Variants in CSNK2A2IP observed in about 807,000 individuals in gnomAD.
The protein encoded by CSNK2A2IP is casein kinase 2 subunit alpha' interacting protein, also known as casein kinase II subunit alpha'-interacting protein.
chr3:88,448,032 T>C, the CSNK2A2IP span, among the ~76,000 whole-genome samples: 1 of 152,210 alleles, frequency 6.6e-6, no homozygotes, highest in Non-Finnish European at 1.5e-5. Flanking sequence ...CCTAAAATAT[T>C]GTCTAGGGTC....
chr3:88,362,248 G>A, the CSNK2A2IP span, among the ~76,000 whole-genome samples: 2 of 152,072 alleles, frequency 1.3e-5, no homozygotes, highest in South Asian at 2.1e-4. Flanking sequence ...TCTTAAGAGA[G>A]CTTTCAGAGA....
At chr3:88,461,997 G>T in the CSNK2A2IP span, among the ~76,000 whole-genome samples, 1 of 151,674 alleles carries the variant, frequency 6.6e-6, no homozygotes, top group African/African-American at 2.4e-5. Context: ...TTTCATATAT[G>T]TGTTAGCCAT....
the CSNK2A2IP span, among the ~76,000 whole-genome samples, chr3:88,442,301 G>T: frequency 6.6e-6 from 1 of 152,064 alleles, no homozygotes; most frequent in Non-Finnish European, 1.5e-5. Flanking sequence ...CAATTTCCTT[G>T]TGAGCTGGGA....
At chr3:88,379,873 T>C in the CSNK2A2IP span, among the ~76,000 whole-genome samples, 2 of 152,152 alleles carry the variant, frequency 1.3e-5, no homozygotes, top group African/African-American at 4.8e-5. Context: ...TTTTATTTTT[T>C]AACATGCTAA....
the CSNK2A2IP span, among the ~76,000 whole-genome samples, chr3:88,356,881 C>A: frequency 6.6e-6 from 1 of 151,964 alleles, no homozygotes; most frequent in African/African-American, 2.4e-5. Context: ...TATCTGTTGG[C>A]CTTTTTTATG....
the CSNK2A2IP span, among the ~76,000 whole-genome samples, chr3:88,458,029 T>G: frequency 6.6e-6 from 1 of 151,976 alleles, no homozygotes; most frequent in Non-Finnish European, 1.5e-5. Flanking sequence ...ATGAGTTGTC[T>G]CATTTATTGG....
the CSNK2A2IP span, among the ~76,000 whole-genome samples, chr3:88,346,024 A>T: frequency 6.6e-6 from 1 of 151,770 alleles, no homozygotes; most frequent in Non-Finnish European, 1.5e-5. Context: ...ATAAAGTGAA[A>T]CAGCCTTATT....
the CSNK2A2IP span, among the ~76,000 whole-genome samples, chr3:88,366,087 C>T: frequency 1.6e-5 from 2 of 121,926 alleles, no homozygotes; most frequent in African/African-American, 2.5e-5. Flanking sequence ...TGCATTTTGG[C>T]AATATTCTCT....
the CSNK2A2IP span, among the ~76,000 whole-genome samples, chr3:88,461,538 G>A: frequency 6.6e-5 from 10 of 152,272 alleles, no homozygotes; most frequent in East Asian, 1.9e-3. Flanking sequence ...GGGCGACAGA[G>A]CGAGACTCTG....
chr3:88,362,997 G>A, the CSNK2A2IP span, among the ~76,000 whole-genome samples: 2 of 152,096 alleles, frequency 1.3e-5, no homozygotes, highest in African/African-American at 4.8e-5. Context: ...CCCTCTGTGG[G>A]CATCAGTGGA....
At chr3:88,375,155 T>C in the CSNK2A2IP span, among the ~76,000 whole-genome samples, 1 of 151,818 alleles carries the variant, frequency 6.6e-6, no homozygotes, top group Non-Finnish European at 1.5e-5. Flanking sequence ...GGTTCACTTA[T>C]TGCTCTATTC....
the CSNK2A2IP span, among the ~76,000 whole-genome samples, chr3:88,359,774 G>C: frequency 3.3e-5 from 5 of 152,026 alleles, no homozygotes; most frequent in Non-Finnish European, 7.4e-5. Context: ...GATGTTTTTT[G>C]TGGCCTATCT....
At chr3:88,439,232 T>A in the CSNK2A2IP span, among the ~76,000 whole-genome samples, 4 of 152,226 alleles carry the variant, frequency 2.6e-5, no homozygotes, top group African/African-American at 9.6e-5. Context: ...ATTTGAATAA[T>A]GTGATGCCTT....
At chr3:88,368,099 T>TGTAA in the CSNK2A2IP span, among the ~76,000 whole-genome samples, 2 of 151,992 alleles carry the variant, frequency 1.3e-5, no homozygotes, top group Non-Finnish European at 2.9e-5. Context: ...AGTTTTATAA[T>TGTAA]GTAAGTTTGA....
chr3:88,423,347 G>A, the CSNK2A2IP span, among the ~76,000 whole-genome samples: 3 of 152,168 alleles, frequency 2.0e-5, no homozygotes, highest in Admixed American at 6.5e-5. Flanking sequence ...AGAAGAAAAG[G>A]AGACTGCTGG....
the CSNK2A2IP span, among the ~76,000 whole-genome samples, chr3:88,392,531 A>C: frequency 1.1e-4 from 17 of 152,348 alleles, no homozygotes; most frequent in Middle Eastern, 3.4e-3. Flanking sequence ...AATATGTGAC[A>C]TGAAAATTTA....
the CSNK2A2IP span, among the ~76,000 whole-genome samples, chr3:88,370,578 TTCTCTCTCTCTTTCTTTCTTTCTC>T: frequency 7.2e-6 from 1 of 139,228 alleles, no homozygotes; most frequent in African/African-American, 2.6e-5. Context: ...CTTCCTTTCT[TTCTCTCTCTCTTTCTTTCTTTCTC>T]TCTCTCTCTC....
the CSNK2A2IP span, among the ~76,000 whole-genome samples, chr3:88,462,154 A>G: frequency 6.8e-6 from 1 of 147,978 alleles, no homozygotes; most frequent in African/African-American, 2.5e-5. Flanking sequence ...AAATTTTTTT[A>G]CATTCTGTGA....
the CSNK2A2IP span, among the ~76,000 whole-genome samples, chr3:88,383,659 T>C: frequency 6.0e-5 from 7 of 115,856 alleles, no homozygotes; most frequent in Admixed American, 8.3e-5. Flanking sequence ...TTCTTTTTTT[T>C]TTTTTTTTTT....
Sources: allele counts gnomAD v4.1 joint callset (sites outside exome capture counted in the v4.1 genomes callset), GRCh38; gene constraint gnomAD v4.1.1; transcripts MANE v1.5; gene names NCBI Gene and HGNC (gene_info 2026-07-23, HGNC 2026-07-21).